CFAP300: variants seen among roughly 807,000 people sequenced by gnomAD.
CFAP300 encodes the protein cilia- and flagella-associated protein 300.
A neutral mutation model predicts 33.0 loss-of-function variants in CFAP300; 32 were observed. The observed-to-expected ratio is 0.97, with a 90% CI of 0.73 to 1.30. The LOEUF is 1.30. CFAP300 is among the 50% of genes most tolerant of loss of function. CFAP300 has a pLI of 0.00. For synonymous variants in CFAP300, 102 were observed against 106.8 expected (o/e 0.95, Z 0.28); for missense variants, 356 against 318.1 (o/e 1.12, Z -0.90).
intron 4 of CFAP300, among the ~76,000 whole-genome samples, chr11:102,067,506 A>G (rs1284168389): frequency 6.6e-6 from 1 of 152,180 alleles, no homozygotes; most frequent in African/African-American, 2.4e-5. Context: ...AATTATATAG[A>G]TTATTTACCT....
At chr11:102,065,053 A>G (rs544195314) in intron 3 of CFAP300, among the ~76,000 whole-genome samples, 1 of 152,272 alleles carries the variant, frequency 6.6e-6, no homozygotes, top group East Asian at 1.9e-4. Context: ...ACCTTCACTT[A>G]GAAACCGTCT....
chr11:102,074,287 G>A (rs1942364268), intron 4 of CFAP300, among the ~76,000 whole-genome samples: 1 of 152,150 alleles, frequency 6.6e-6, no homozygotes, highest in South Asian at 2.1e-4. Flanking sequence ...CCAGGCAGCT[G>A]CCTATTACTA....
intron 2 of CFAP300, among the ~76,000 whole-genome samples, chr11:102,057,019 G>GA (rs1712153587): frequency 6.6e-6 from 1 of 151,436 alleles, no homozygotes; most frequent in Non-Finnish European, 1.5e-5. Context: ...CTTCTGACAT[G>GA]AGAAAAGAAA....
At chr11:102,068,278 C>T (rs1440677604) in intron 4 of CFAP300, among the ~76,000 whole-genome samples, 1 of 152,188 alleles carries the variant, frequency 6.6e-6, no homozygotes, top group African/African-American at 2.4e-5. Flanking sequence ...AGGGAAGCTA[C>T]TGATCCATCA....
At chr11:102,072,298 A>G (rs551713532) in intron 4 of CFAP300, among the ~76,000 whole-genome samples, 7 of 152,082 alleles carry the variant, frequency 4.6e-5, no homozygotes, top group Middle Eastern at 3.4e-3. Flanking sequence ...TATTTCATTC[A>G]TTGAATTATT....
rs188177075 is a variant in CFAP300, at chr11:102,064,689, G to A, written c.269-1796G>A. Among the ~76,000 whole-genome samples, 142 of 152,254 alleles carry A rather than the reference G, an allele frequency of 9.3e-4. 2 individuals carry two copies. The highest frequency in any genetic ancestry group is 1.0e-3 in the Admixed American group (16 of 15,302). The stretch of plus-strand genomic sequence containing the variant: ...AATGTATCCAGGGTAGGGATACACC[G>A]AGGGCCACCACACCTAGGTCTACAA... On this transcript the variant is annotated intron_variant, in intron 3 of 6. Transcript: ENST00000434758.
At chr11:102,076,258 CA>C in intron 5 of CFAP300, 2 of 429,256 alleles carry the variant, frequency 4.7e-6, no homozygotes, top group Non-Finnish European at 7.9e-6. Context: ...TCAGTCCCCT[CA>C]TTCTTCATCT....
chr11:102,082,473 A>T (rs953360864), intron 6 of CFAP300, among the ~76,000 whole-genome samples: 23 of 152,144 alleles, frequency 1.5e-4, no homozygotes, highest in African/African-American at 5.1e-4. Context: ...CACTTTTTTT[A>T]AAATGATGGG....
In CFAP300 at chr11:102,070,519, C is replaced by CTGTT. The variant is rs139188473; in HGVS notation, c.435+3878_435+3881dup. Among the ~76,000 whole-genome samples the CTGTT allele has an allele frequency of 1.3e-4, 20 of 152,132 alleles. No homozygotes were observed. In the South Asian group the frequency reaches 1.9e-3, roughly 14 times the overall value. On this transcript the variant is annotated intron_variant, in intron 4 of 6. Coordinates refer to ENST00000434758, the MANE Select transcript of CFAP300 (RefSeq NM_032930.3). ...GATAGCCTTTCTCCATCTGGAGTTC[C>CTGTT]TGTTTGTTTGTTTATTTATTTATTT...
Position 102,083,926 on chromosome 11 carries a change from G to C in CFAP300, c.*727G>C, listed in dbSNP as rs1353804086. On this transcript the variant is annotated 3_prime_UTR_variant, in exon 7 of 7. Coordinates refer to ENST00000434758, the MANE Select transcript of CFAP300 (RefSeq NM_032930.3). The stretch of plus-strand genomic sequence containing the variant: ...AGCTACTCAGGAGGCTGAGGCAAGA[G>C]AATCACTTGAACCCGGGAAGTGAGG... 1 of 152,226 alleles carries C rather than the reference G, an allele frequency of 6.6e-6. No individual in the cohort carries two copies. The highest frequency in any genetic ancestry group is 1.5e-5 in the Non-Finnish European group (1 of 68,122). The allele number at this position is 152,226 out of a possible 1,614,324, so 9.4% of individuals were successfully genotyped here.
chr11:102,060,733 T>G (rs1942138413), intron 3 of CFAP300, among the ~76,000 whole-genome samples: 1 of 152,140 alleles, frequency 6.6e-6, no homozygotes, highest in Non-Finnish European at 1.5e-5. Context: ...TTTTTTTTGT[T>G]TAGGGGTGTA....
intron 3 of CFAP300, among the ~76,000 whole-genome samples, chr11:102,066,092 G>A (rs1942220955): frequency 6.6e-6 from 1 of 151,702 alleles, no homozygotes; most frequent in African/African-American, 2.4e-5. Flanking sequence ...CTAGTAGCTG[G>A]GATTACAGGT....
In CFAP300 at chr11:102,075,804, A is replaced by G; in HGVS notation, c.436-69A>G. 2.4e-6 allele frequency: 3 copies of G among 1,272,632 alleles called. No individual in the cohort carries two copies. The East Asian group carries it at 7.0e-5, about 30-fold the overall frequency. The allele number at this position is 1,272,632 out of a possible 1,614,324, so 78.8% of individuals were successfully genotyped here. ...GTAAGATTATTTTTAAGTCTATAAA[A>G]TGAAACCTTTGAAAACAAAAGTAAA... On this transcript the variant is annotated intron_variant, in intron 4 of 6. Transcript: ENST00000434758.
intron 2 of CFAP300, among the ~76,000 whole-genome samples, chr11:102,055,943 A>G (rs1346841651): frequency 6.6e-6 from 1 of 152,176 alleles, no homozygotes; most frequent in Non-Finnish European, 1.5e-5. Flanking sequence ...TGCTGGGATT[A>G]CAGGCATGAG....
chr11:102,062,841 G>T (rs1378700838), intron 3 of CFAP300, among the ~76,000 whole-genome samples: 1 of 152,192 alleles, frequency 6.6e-6, no homozygotes, highest in Non-Finnish European at 1.5e-5. Flanking sequence ...TTCAACAGAA[G>T]TCAGGAATAG....
At chr11:102,077,099 C>A (rs1942406153) in intron 5 of CFAP300, among the ~76,000 whole-genome samples, 1 of 152,216 alleles carries the variant, frequency 6.6e-6, no homozygotes, top group Admixed American at 6.5e-5. Flanking sequence ...CACACACACA[C>A]ACGCACTCAT....
chr11:102,072,914 G>A (rs1159399473), intron 4 of CFAP300, among the ~76,000 whole-genome samples: 8 of 152,180 alleles, frequency 5.3e-5, no homozygotes, highest in Admixed American at 1.3e-4. Context: ...CATCACTGGT[G>A]TCTGTGTTTT....
At chr11:102,067,523 T>C (rs1218034811) in intron 4 of CFAP300, among the ~76,000 whole-genome samples, 1 of 152,236 alleles carries the variant, frequency 6.6e-6, no homozygotes, top group African/African-American at 2.4e-5. Flanking sequence ...ACCTGATTCC[T>C]GATTTATTAT....
chr11:102,053,189 A>G (rs1941996951), intron 2 of CFAP300, among the ~76,000 whole-genome samples: 1 of 152,002 alleles, frequency 6.6e-6, no homozygotes, highest in African/African-American at 2.4e-5. Context: ...AGATTGCGCC[A>G]TTGCACTCCA....
Sources: allele counts gnomAD v4.1 joint callset (sites outside exome capture counted in the v4.1 genomes callset), GRCh38; gene constraint gnomAD v4.1.1; transcripts MANE v1.5; gene names NCBI Gene and HGNC (gene_info 2026-07-23, HGNC 2026-07-21).